Variants in UNC79 observed in about 807,000 individuals in gnomAD.
UNC79 encodes protein unc-79 homolog.
Under a neutral mutation model 283.1 loss-of-function variants are expected in UNC79, and 37 were observed. The observed-to-expected ratio is 0.13, with a 90% confidence interval of 0.10 to 0.17. The LOEUF (loss-of-function observed/expected upper bound fraction) is 0.17. Among genes scored for constraint, UNC79 ranks in the 10% least tolerant of loss-of-function variants. The probability of loss-of-function intolerance (pLI) is 1.00; values close to 1 mark genes in which losing one functional copy is unlikely to be tolerated. For synonymous variants in UNC79, 1,107 were observed against 1,200.2 expected (o/e 0.92, Z 1.61); for missense variants, 2,272 against 3,211.1 (o/e 0.71, Z 7.07).
chr14:93,434,724 A>G (rs1231499066), intron 1 of UNC79, among the ~76,000 whole-genome samples: 3 of 152,192 alleles, frequency 2.0e-5, no homozygotes, highest in Non-Finnish European at 2.9e-5. Flanking sequence ...TACATCCTCT[A>G]TAAAATGGGG....
chr14:93,688,990 C>T lies in UNC79; in HGVS notation c.7085+150C>T, dbSNP rs2074469126. ...GAAGATGGAAATCAGATCCCATCTCCTTACGTACTTGCTGACCCAGAATGC... is the reference window on the plus strand; with the variant it reads ...GAAGATGGAAATCAGATCCCATCTCTTTACGTACTTGCTGACCCAGAATGC... On this transcript the variant is annotated intron_variant, in intron 44 of 48. Coordinates refer to ENST00000555664, the Ensembl canonical transcript of UNC79. The surrounding 1 kb of genome is among the most constrained non-coding windows in gnomAD (Gnocchi z 4.0). 2 of 816,282 alleles carry T rather than the reference C, an allele frequency of 2.5e-6. No homozygotes were observed. Among genetic ancestry groups the T allele is most frequent in the Non-Finnish European group, 3.5e-6 (2 of 577,334 alleles). 50.6% of individuals were successfully genotyped at this position (816,282 alleles called of 1,614,324 possible).
chr14:93,425,209 AAGG>A (rs2055697905), intron 1 of UNC79, among the ~76,000 whole-genome samples: 2 of 152,106 alleles, frequency 1.3e-5, no homozygotes, highest in South Asian at 4.1e-4. Context: ...TGGTGACAGG[AAGG>A]AGAAGTGCTG....
intron 7 of UNC79, among the ~76,000 whole-genome samples, chr14:93,500,866 A>C (rs1373180185): frequency 1.3e-5 from 2 of 152,266 alleles, no homozygotes; most frequent in African/African-American, 4.8e-5. Flanking sequence ...ACTGCAAGAC[A>C]TACCAAAGAG....
chr14:93,536,648 C>T (rs747593156), intron 11 of UNC79, among the ~76,000 whole-genome samples: 36 of 152,166 alleles, frequency 2.4e-4, no homozygotes, highest in Admixed American at 1.4e-3. Context: ...GGGATAAGTC[C>T]TTCTACACCT....
chr14:93,429,253 C>T (rs577717538), upstream of UNC79, among the ~76,000 whole-genome samples: 17 of 152,326 alleles, frequency 1.1e-4, no homozygotes, highest in African/African-American at 4.1e-4. Flanking sequence ...TGGCATCATG[C>T]TTCACATAAT....
chr14:93,518,339 T>G (rs181439030), intron 7 of UNC79, among the ~76,000 whole-genome samples: 2 of 152,104 alleles, frequency 1.3e-5, no homozygotes, highest in East Asian at 1.9e-4. Context: ...TTTTAAGGAA[T>G]GTGAGCATCT....
intron 10 of UNC79, among the ~76,000 whole-genome samples, chr14:93,530,368 T>G (rs1403523189): frequency 6.6e-6 from 1 of 151,940 alleles, no homozygotes. Flanking sequence ...CCTAGGAGTT[T>G]GAGACCAACC....
intron 1 of UNC79, among the ~76,000 whole-genome samples, chr14:93,401,768 T>C (rs1310454480): frequency 6.6e-6 from 1 of 152,212 alleles, no homozygotes; most frequent in African/African-American, 2.4e-5. Flanking sequence ...GGATTAGTGA[T>C]ATCTCTATTT....
chr14:93,370,628 C>CGG, intron 1 of UNC79, among the ~76,000 whole-genome samples: 1 of 152,050 alleles, frequency 6.6e-6, no homozygotes, highest in African/African-American at 2.4e-5. Context: ...AAAAATTAGC[C>CGG]AGACGTGGTG....
intron 17 of UNC79, among the ~76,000 whole-genome samples, chr14:93,576,605 G>GA (rs997781810): frequency 4.8e-4 from 73 of 152,242 alleles, no homozygotes; most frequent in African/African-American, 1.6e-3. Flanking sequence ...CAATATGGGT[G>GA]GACAAGACAC....
chr14:93,649,981 T>C (rs1329200707), intron 35 of UNC79, among the ~76,000 whole-genome samples: 1 of 152,174 alleles, frequency 6.6e-6, no homozygotes, highest in African/African-American at 2.4e-5. Context: ...CCAGCTAATC[T>C]CTACCCCCAT....
At chr14:93,537,652 T>C (rs2061157347) in intron 11 of UNC79, among the ~76,000 whole-genome samples, 1 of 152,224 alleles carries the variant, frequency 6.6e-6, no homozygotes, top group African/African-American at 2.4e-5. Context: ...ATATTTCTGC[T>C]GAAAAACTCT....
chr14:93,641,812 C>A (rs891401976), intron 33 of UNC79, among the ~76,000 whole-genome samples: 2 of 152,168 alleles, frequency 1.3e-5, no homozygotes, highest in Admixed American at 6.5e-5. Flanking sequence ...TTGTAATAAT[C>A]CCCACATGTC....
intron 1 of UNC79, among the ~76,000 whole-genome samples, chr14:93,418,331 G>A (rs2055509683): frequency 6.6e-6 from 1 of 151,750 alleles, no homozygotes; most frequent in Admixed American, 6.6e-5. Flanking sequence ...CTGCAGAACA[G>A]CAGATTTTCG....
At chr14:93,600,748 C>T in exon 25 of UNC79, 1 of 1,613,300 alleles carries the variant, frequency 6.2e-7, no homozygotes, top group Non-Finnish European at 8.5e-7. Context: ...TGGATTGTAA[C>T]AAGGAATTTC....
intron 40 of UNC79, among the ~76,000 whole-genome samples, chr14:93,665,623 A>G (rs2072107663): frequency 6.6e-6 from 1 of 152,012 alleles, no homozygotes; most frequent in Non-Finnish European, 1.5e-5. Context: ...CAGTCAAGAC[A>G]AAGAAAATAT....
At position 93,357,775 on chromosome 14, in the gene UNC79, GTGGATATATGGATATATATATA is replaced by G. The variant is rs1555398845; in HGVS notation, c.-351+24290_-351+24311del. 1.1e-4 allele frequency among the ~76,000 whole-genome samples: 9 copies of G among 78,752 alleles called. No homozygotes were observed. In the East Asian group the frequency reaches 2.4e-3, roughly 21 times the overall value. 51.7% of individuals were successfully genotyped at this position (78,752 alleles called of 152,430 possible). On this transcript the variant is annotated intron_variant, in intron 1 of 49. Coordinates refer to the UNC79 transcript ENST00000256339. Reference sequence around the variant, plus strand: ...TATATGGATATATATATATGGATATGTGGATATATGGATATATATATATGGATATATGGATATATATATATGG... The same window carrying G: ...TATATGGATATATATATATGGATATGTGGATATATGGATATATATATATGG...
chr14:93,449,615 C>G (rs1340045914), intron 1 of UNC79, among the ~76,000 whole-genome samples: 1 of 149,264 alleles, frequency 6.7e-6, no homozygotes, highest in Non-Finnish European at 1.5e-5. Flanking sequence ...AAGACCTTGT[C>G]TCTAAAAAAA....
rs140513716 is a variant in UNC79, at chr14:93,586,659, T to C, written c.2867T>C (p.Ile956Thr). The change falls in exon 21 of 49, where the codon ATA becomes ACA. Residue 956 changes from isoleucine to threonine, a missense_variant. Physicochemically the swap from Ile to Thr is moderately conservative, Grantham distance 89. Around this residue, in one of 11 missense-constraint regions of UNC79, gnomAD observed 237 missense variants for 378.9 expected, o/e 0.63. Transcript: ENST00000555664. ...CAGCTTCCGGTAACATTGAGACTAA[T>C]ATATACCATTTTCCAGGTATATTTT... The C allele has an allele frequency of 1.2e-4, 196 of 1,613,774 alleles. No homozygotes were observed. Among genetic ancestry groups the C allele is most frequent in the Non-Finnish European group, 1.6e-4 (189 of 1,179,954 alleles).
Sources: gnomAD v4.1 joint callset for allele counts (sites outside exome capture counted in the v4.1 genomes callset) on GRCh38, gnomAD v4.1.1 for gene constraint, gnomAD v4.1.1 regional missense constraint, Gnocchi (gnomAD v3.1) non-coding constraint, MANE v1.5 for transcripts, NCBI Gene and HGNC (gene_info 2026-07-23, HGNC 2026-07-21) for gene names.